The following CNTN6 variants were observed in gnomAD, a reference collection of about 807,000 sequenced individuals.
CNTN6 encodes the protein contactin 6, also known as contactin-6.
A neutral mutation model predicts 122.8 loss-of-function variants in CNTN6; 137 were observed. The observed-to-expected ratio is 1.12, with a 90% confidence interval of 0.97 to 1.29. The LOEUF is 1.29. Ranked by LOEUF, CNTN6 falls within the 50% of genes most tolerant of loss-of-function variation. CNTN6 has a pLI of 0.00. For missense variants in CNTN6, 1,634 were observed against 1,223.4 expected (o/e 1.34, Z -5.01); for synonymous variants, 570 against 426.0 (o/e 1.34, Z -4.16).
At chr3:1,263,885 G>C (rs951684575) in intron 4 of CNTN6, among the ~76,000 whole-genome samples, 8 of 151,748 alleles carry the variant, frequency 5.3e-5, no homozygotes, top group Admixed American at 1.3e-4. Context: ...TTAGCCAAGG[G>C]AGGGTTCACT....
chr3:1,242,533 G>C (rs4065404), intron 4 of CNTN6, among the ~76,000 whole-genome samples: 1 of 152,078 alleles, frequency 6.6e-6, no homozygotes, highest in Non-Finnish European at 1.5e-5. Flanking sequence ...CTTTGAAAGC[G>C]TGCTGTGGGA....
At chr3:1,312,999 T>C (rs1164949147) in intron 7 of CNTN6, among the ~76,000 whole-genome samples, 2 of 149,728 alleles carry the variant, frequency 1.3e-5, no homozygotes, top group South Asian at 4.2e-4. Context: ...TGTTAAATAA[T>C]GATAAAATGA....
intron 11 of CNTN6, among the ~76,000 whole-genome samples, chr3:1,344,118 G>A (rs1001866892): frequency 2.6e-5 from 4 of 152,120 alleles, no homozygotes; most frequent in Admixed American, 6.5e-5. Context: ...GATGTGGGGA[G>A]AAAGCATATC....
At chr3:1,276,556 A>G (rs531513705) in intron 4 of CNTN6, among the ~76,000 whole-genome samples, 11 of 152,166 alleles carry the variant, frequency 7.2e-5, no homozygotes, top group Non-Finnish European at 1.3e-4. Context: ...CCCATTATGC[A>G]CTAACAACAC....
intron 11 of CNTN6, among the ~76,000 whole-genome samples, chr3:1,330,416 T>C (rs930800121): frequency 9.2e-5 from 14 of 151,838 alleles, no homozygotes; most frequent in African/African-American, 3.1e-4. Context: ...CCTACCATAA[T>C]GGATACAGTT....
At chr3:1,339,465 G>A (rs1189079614) in intron 11 of CNTN6, among the ~76,000 whole-genome samples, 1 of 152,122 alleles carries the variant, frequency 6.6e-6, no homozygotes, top group Non-Finnish European at 1.5e-5. Flanking sequence ...CCTGGGGAAG[G>A]CAGACAAGCC....
rs558640369 is a variant in CNTN6 at position 1,312,205 on chromosome 3, T to C, written c.762-9445T>C. 9.9e-5 allele frequency among the ~76,000 whole-genome samples: 15 copies of C among 152,166 alleles called. No individual in the cohort carries two copies. The South Asian group carries it at 1.0e-3, about 10-fold the overall frequency. ...CACACTCCGAATCTAATGTCAAACATTCCTTTCCATATAGTTTTTGAAAAT... is the reference window on the plus strand; with the variant it reads ...CACACTCCGAATCTAATGTCAAACACTCCTTTCCATATAGTTTTTGAAAAT... On this transcript the variant is annotated intron_variant, in intron 7 of 22. Coordinates refer to ENST00000446702, the MANE Select transcript of CNTN6 (RefSeq NM_001289080.2).
At chr3:1,292,547 A>C (rs889041193) in intron 5 of CNTN6, among the ~76,000 whole-genome samples, 2 of 152,194 alleles carry the variant, frequency 1.3e-5, no homozygotes, top group Non-Finnish European at 2.9e-5. Flanking sequence ...TGAGTTAGCT[A>C]TTTGTATTTT....
intron 12 of CNTN6, among the ~76,000 whole-genome samples, chr3:1,368,493 A>G (rs1194628580): frequency 1.3e-5 from 2 of 152,204 alleles, no homozygotes; most frequent in Non-Finnish European, 2.9e-5. Context: ...TAATGGTTTC[A>G]TAAAAGTTGC....
intron 1 of CNTN6, among the ~76,000 whole-genome samples, chr3:1,134,987 A>G (rs1050846435): frequency 6.6e-6 from 1 of 151,990 alleles, no homozygotes; most frequent in Admixed American, 6.6e-5. Context: ...TTTGGATACA[A>G]TTTGCAAAGG....
intron 20 of CNTN6, among the ~76,000 whole-genome samples, chr3:1,391,822 A>AAAAT (rs1694197204): frequency 6.6e-6 from 1 of 151,008 alleles, no homozygotes; most frequent in African/African-American, 2.4e-5. Context: ...CAAAGAGAAT[A>AAAAT]AAATACCTAG....
chr3:1,226,751 T>A (rs1184499839), intron 3 of CNTN6, among the ~76,000 whole-genome samples: 1 of 152,198 alleles, frequency 6.6e-6, no homozygotes, highest in Non-Finnish European at 1.5e-5. Context: ...AATATTTATA[T>A]TAAATAAAAT....
At chr3:1,387,201 A>G (rs2126202143) in intron 20 of CNTN6, among the ~76,000 whole-genome samples, 1 of 152,154 alleles carries the variant, frequency 6.6e-6, no homozygotes, top group Non-Finnish European at 1.5e-5. Flanking sequence ...CATCTTAGAA[A>G]ATACAAAGTG....
At chr3:1,385,590 G>C (rs1692757991) in intron 19 of CNTN6, 21 bp from the exon 20 acceptor site, 1 of 1,566,570 alleles carries the variant, frequency 6.4e-7, no homozygotes, top group Non-Finnish European at 8.6e-7. Flanking sequence ...TAAATTGCTT[G>C]TTTTGGTTTT....
intron 7 of CNTN6, among the ~76,000 whole-genome samples, chr3:1,303,779 A>G (rs9881293): frequency 0.67 from 101,494 of 151,766 alleles, 36,225 homozygotes; most frequent in East Asian, 1. Context: ...ATTGTGGTGT[A>G]TTTATTAAAA....
intron 2 of CNTN6, among the ~76,000 whole-genome samples, chr3:1,186,912 A>G (rs1220804885): frequency 6.6e-6 from 1 of 151,906 alleles, no homozygotes; most frequent in African/African-American, 2.4e-5. Context: ...CTGCCCAAAT[A>G]CAGATAGAAA....
chr3:1,309,104 A>G (rs772020148), intron 7 of CNTN6, among the ~76,000 whole-genome samples: 6 of 152,114 alleles, frequency 3.9e-5, no homozygotes, highest in Non-Finnish European at 8.8e-5. Flanking sequence ...TTCCTTAACA[A>G]TGTCCTTAAC....
chr3:1,202,216 G>A (rs2093883126), intron 2 of CNTN6, among the ~76,000 whole-genome samples: 1 of 152,238 alleles, frequency 6.6e-6, no homozygotes, highest in South Asian at 2.1e-4. Flanking sequence ...CTAGGAATGA[G>A]GAGAAGGAAA....
At chr3:1,279,901 C>T (rs928472860) in intron 5 of CNTN6, among the ~76,000 whole-genome samples, 3 of 152,162 alleles carry the variant, frequency 2.0e-5, no homozygotes, top group African/African-American at 7.2e-5. Flanking sequence ...GCATTATATT[C>T]ACCTGATATG....
Sources: allele counts gnomAD v4.1 joint callset (sites outside exome capture counted in the v4.1 genomes callset), GRCh38; gene constraint gnomAD v4.1.1; transcripts MANE v1.5; gene names NCBI Gene and HGNC (gene_info 2026-07-23, HGNC 2026-07-21).